ARPP21: variants seen among roughly 807,000 people sequenced by gnomAD.
ARPP21 encodes the protein cAMP regulated phosphoprotein 21, also known as cAMP-regulated phosphoprotein 21.
In ARPP21, 69 loss-of-function variants were observed where a neutral mutation model predicts 113.2. That is an observed-to-expected ratio of 0.61 (90% CI 0.50 to 0.74). ARPP21 has a LOEUF of 0.74. Among genes scored for constraint, ARPP21 ranks in the 30% least tolerant of loss-of-function variants. ARPP21 has a pLI of 0.00. For missense variants in ARPP21, 1,070 were observed against 1,037.4 expected (o/e 1.03, Z -0.43); for synonymous variants, 368 against 375.5 (o/e 0.98, Z 0.23).
chr3:35,709,161 A>T (rs1269550586), intron 11 of ARPP21, 91 bp downstream of exon 11: 8 of 858,332 alleles, frequency 9.3e-6, no homozygotes. Context: ...GGCAGGGAAT[A>T]AAAAGGCTGG....
chr3:35,759,588 G>A (rs1412116329), intron 19 of ARPP21, among the ~76,000 whole-genome samples: 2 of 151,528 alleles, frequency 1.3e-5, no homozygotes, highest in African/African-American at 4.9e-5. Context: ...GAAGTCTTCC[G>A]CATAAGTAGA....
Position 35,726,519 on chromosome 3 carries a change from T to C in ARPP21, c.1226-2784T>C, listed in dbSNP as rs73828904. Among the ~76,000 whole-genome samples, 802 of 152,382 alleles carry C rather than the reference T, an allele frequency of 5.3e-3. 7 individuals carry two copies. The highest frequency in any genetic ancestry group is 0.017 in the African/African-American group (719 of 41,598). ...GAATTTAAGCCAAATTTAGGTTTCC[T>C]TCCTTCCTTTAACCTGTGGAATCAA... is the stretch of plus-strand genomic sequence containing the variant. On this transcript the variant is annotated intron_variant, in intron 14 of 20. Transcript: ENST00000684406.
Position 35,737,260 on chromosome 3 carries a change from G to A in ARPP21, c.1542G>A (p.Val514=). 1 of 1,612,796 alleles carries A rather than the reference G, an allele frequency of 6.2e-7. No homozygotes were observed. The highest frequency in any genetic ancestry group is 8.5e-7 in the Non-Finnish European group (1 of 1,179,112). Reference sequence around the variant, plus strand: ...AGCAGCCCCTGCGAAGCGCCATGGTGGGGCAGTCCCAACAGCAGCCACCAC... The same window carrying A: ...AGCAGCCCCTGCGAAGCGCCATGGTAGGGCAGTCCCAACAGCAGCCACCAC... ...TSQQPLRSAM[V]GQSQQQPPQQ... is the part of the protein sequence containing the mutation. Residue 514 remains valine (V), a synonymous_variant, in exon 16 of 21, where the codon GTG becomes GTA. Coordinates refer to ENST00000684406, the MANE Select transcript of ARPP21 (RefSeq NM_001385562.1).
rs371187130 is a variant in ARPP21, at chr3:35,760,540, T to TA, written c.2137+16587dup. Among the ~76,000 whole-genome samples the TA allele has an allele frequency of 4.4e-3, 631 of 143,754 alleles. 5 individuals carry two copies. Among genetic ancestry groups the TA allele is most frequent in the African/African-American group, 0.012 (463 of 39,324 alleles). 94.3% of individuals were successfully genotyped at this position (143,754 alleles called of 152,430 possible). A position where few individuals can be genotyped will look rare whatever the true frequency, so the allele number is the denominator to read the frequency against. On this transcript the variant is annotated intron_variant, in intron 19 of 20. Transcript: ENST00000684406. ...CAGGCACAGAAGTAGAAGGAGGAGG[T>TA]AAAAAAAAAAAATCCGCTGGGAGTT...
At chr3:35,665,865 T>C (rs910466538) in intron 1 of ARPP21, among the ~76,000 whole-genome samples, 4 of 152,126 alleles carry the variant, frequency 2.6e-5, no homozygotes, top group Non-Finnish European at 5.9e-5. Flanking sequence ...ATGCACAATA[T>C]GTGGAAGGCA....
At chr3:35,728,886 C>T (rs1354475347) in intron 14 of ARPP21, among the ~76,000 whole-genome samples, 2 of 152,112 alleles carry the variant, frequency 1.3e-5, no homozygotes, top group Non-Finnish European at 2.9e-5. Context: ...CTTCCTTAAG[C>T]TGCAGTCTCT....
At chr3:35,686,613 A>T (rs767869535) in intron 5 of ARPP21, among the ~76,000 whole-genome samples, 6 of 151,618 alleles carry the variant, frequency 4.0e-5, no homozygotes, top group Non-Finnish European at 5.9e-5. Flanking sequence ...ATTTAGTCAC[A>T]TGTAGTGTGA....
intron 15 of ARPP21, among the ~76,000 whole-genome samples, chr3:35,730,397 A>T (rs950135285): frequency 1.3e-5 from 2 of 152,168 alleles, no homozygotes; most frequent in African/African-American, 2.4e-5. Flanking sequence ...ACCTGGGGAG[A>T]AGAGGGCTGC....
At chr3:35,667,946 GAAAAGAAGAAGA>G (rs1559548759) in intron 1 of ARPP21, among the ~76,000 whole-genome samples, 1 of 115,090 alleles carries the variant, frequency 8.7e-6, no homozygotes, top group Non-Finnish European at 1.8e-5. Context: ...AGGAGAAGAA[GAAAAGAAGAAGA>G]AGAAGAAGAA....
At chr3:35,723,548 C>A (rs2093297143) in intron 14 of ARPP21, among the ~76,000 whole-genome samples, 1 of 152,146 alleles carries the variant, frequency 6.6e-6, no homozygotes, top group South Asian at 2.1e-4. Context: ...TACACTTGAG[C>A]TCTTGTAAAC....
intron 10 of ARPP21, among the ~76,000 whole-genome samples, chr3:35,708,526 C>A (rs149058601): frequency 1.3e-5 from 2 of 152,342 alleles, no homozygotes; most frequent in East Asian, 3.9e-4. Flanking sequence ...TTTCTCCAGT[C>A]CCCAAGCTTT....
chr3:35,762,246 A>T (rs1019900911), intron 19 of ARPP21, among the ~76,000 whole-genome samples: 14 of 152,098 alleles, frequency 9.2e-5, no homozygotes, highest in Non-Finnish European at 2.1e-4. Context: ...AATTAAAATT[A>T]CAGAGATATT....
chr3:35,676,538 A>T (rs533504105), intron 1 of ARPP21, among the ~76,000 whole-genome samples: 3 of 75,528 alleles, frequency 4.0e-5, no homozygotes, highest in South Asian at 9.6e-4. Flanking sequence ...TGGCATTTTC[A>T]TGATGGCTCA....
chr3:35,688,400 G>T (rs897737954), intron 6 of ARPP21, among the ~76,000 whole-genome samples: 1 of 151,558 alleles, frequency 6.6e-6, no homozygotes, highest in Admixed American at 6.6e-5. Flanking sequence ...CTACTATCAA[G>T]TAATGTTTAT....
chr3:35,719,003 A>G (rs1244207001), intron 13 of ARPP21, among the ~76,000 whole-genome samples: 1 of 144,760 alleles, frequency 6.9e-6, no homozygotes, highest in Non-Finnish European at 1.5e-5. Context: ...TATATGCTTT[A>G]TAACTACCTT....
chr3:35,703,736 A>G (rs892573939), intron 9 of ARPP21, among the ~76,000 whole-genome samples: 4 of 151,918 alleles, frequency 2.6e-5, no homozygotes, highest in African/African-American at 4.8e-5. Flanking sequence ...CACCTTTTGC[A>G]GTTTTGAGAA....
chr3:35,783,839 C>T (rs80144269), intron 19 of ARPP21, among the ~76,000 whole-genome samples: 2,453 of 152,262 alleles, frequency 0.016, 34 homozygotes, highest in African/African-American at 0.038. Context: ...TTACAATTCT[C>T]GAATGCATTT....
intron 9 of ARPP21, among the ~76,000 whole-genome samples, chr3:35,704,940 T>G (rs1317534906): frequency 6.6e-6 from 1 of 152,100 alleles, no homozygotes; most frequent in Non-Finnish European, 1.5e-5. Context: ...TAAGTCAATC[T>G]ATAACAAATT....
chr3:35,641,216 G>A (rs533461040), intron 1 of ARPP21, among the ~76,000 whole-genome samples: 109 of 152,014 alleles, frequency 7.2e-4, no homozygotes, highest in African/African-American at 2.6e-3. Flanking sequence ...GTTTTTTGAT[G>A]TTTGATTTTC....
Sources: gnomAD v4.1 joint callset for allele counts (sites outside exome capture counted in the v4.1 genomes callset) on GRCh38, gnomAD v4.1.1 for gene constraint, MANE v1.5 for transcripts, NCBI Gene and HGNC (gene_info 2026-07-23, HGNC 2026-07-21) for gene names.